TANC2: variants seen among roughly 807,000 people sequenced by gnomAD.
TANC2 encodes tetratricopeptide repeat, ankyrin repeat and coiled-coil containing 2, also known as protein TANC2.
TANC2 carries 26 observed loss-of-function variants against 210.5 expected under a neutral mutation model. The observed-to-expected ratio is 0.12, with a 90% CI of 0.09 to 0.17. The LOEUF (loss-of-function observed/expected upper bound fraction) is 0.17, where lower values mean the gene tolerates loss of function less well. Ranked by LOEUF, TANC2 falls within the 10% of genes least tolerant of loss-of-function variation. The pLI is 1.00. For synonymous variants in TANC2, 931 were observed against 967.1 expected (o/e 0.96, Z 0.69); for missense variants, 2,129 against 2,608.9 (o/e 0.82, Z 4.01).
intron 13 of TANC2, 143 bp from the exon 14 acceptor site, chr17:63,354,640 C>T: frequency 9.5e-7 from 1 of 1,050,772 alleles, no homozygotes. Context: ...ATTTGTTTTA[C>T]TTTTTGGATA....
chr17:63,294,877 C>T (rs2044488084), intron 9 of TANC2, among the ~76,000 whole-genome samples: 1 of 152,106 alleles, frequency 6.6e-6, no homozygotes, highest in Admixed American at 6.5e-5. Context: ...TGGATTAGTT[C>T]ATCTTTTTTC....
chr17:63,147,767 G>A (rs760864799), intron 4 of TANC2, among the ~76,000 whole-genome samples: 9 of 152,044 alleles, frequency 5.9e-5, no homozygotes, highest in Non-Finnish European at 1.3e-4. Flanking sequence ...TTTTGATTTG[G>A]ATACTCTACT....
intron 17 of TANC2, among the ~76,000 whole-genome samples, chr17:63,394,689 T>C (rs555257695): frequency 6.6e-6 from 1 of 152,374 alleles, no homozygotes. Flanking sequence ...CCAGTCAAGA[T>C]AGACCTTTCT....
intron 8 of TANC2, among the ~76,000 whole-genome samples, chr17:63,241,724 A>G (rs552669046): frequency 1.3e-5 from 2 of 152,312 alleles, no homozygotes; most frequent in African/African-American, 2.4e-5. Flanking sequence ...GGTCATATAC[A>G]GTGTTAGCTG....
chr17:63,049,569 A>G (rs2035503227), intron 2 of TANC2, among the ~76,000 whole-genome samples: 1 of 152,202 alleles, frequency 6.6e-6, no homozygotes, highest in African/African-American at 2.4e-5. Flanking sequence ...CAGAAAAGTC[A>G]GAGAGCAAGA....
intron 4 of TANC2, among the ~76,000 whole-genome samples, chr17:63,143,539 A>G (rs183963671): frequency 2.0e-3 from 302 of 152,320 alleles, no homozygotes; most frequent in Non-Finnish European, 3.4e-3. Context: ...TTTAGCTCTG[A>G]TATCACAACC....
At chr17:63,413,061 A>C (rs896485058) in intron 24 of TANC2, 1 of 268,424 alleles carries the variant, frequency 3.7e-6, no homozygotes, top group Non-Finnish European at 6.9e-6. Flanking sequence ...CCTAGTTGGT[A>C]CTTATCATTT....
intron 17 of TANC2, 128 bp downstream of exon 17, chr17:63,389,672 A>G: frequency 1.1e-6 from 1 of 922,994 alleles, no homozygotes; most frequent in Admixed American, 2.1e-5. Flanking sequence ...AGAGGAGATC[A>G]GAGAGAGTGC....
intron 2 of TANC2, among the ~76,000 whole-genome samples, chr17:63,048,305 G>A (rs970116682): frequency 6.6e-6 from 1 of 152,218 alleles, no homozygotes; most frequent in Middle Eastern, 3.4e-3. Flanking sequence ...AATTATTGCA[G>A]AACTCCAGTT....
At chr17:63,113,346 C>G (rs1473471471) in intron 4 of TANC2, among the ~76,000 whole-genome samples, 1 of 152,144 alleles carries the variant, frequency 6.6e-6, no homozygotes, top group Non-Finnish European at 1.5e-5. Context: ...GTAACTCCCT[C>G]TCTTAGAGGA....
intron 7 of TANC2, among the ~76,000 whole-genome samples, chr17:63,233,630 G>A (rs1377137518): frequency 6.6e-6 from 1 of 152,208 alleles, no homozygotes; most frequent in Non-Finnish European, 1.5e-5. Flanking sequence ...ATTCTTCTGT[G>A]TGAGAGCCTC....
At chr17:63,122,977 A>G (rs2038544120) in intron 4 of TANC2, among the ~76,000 whole-genome samples, 2 of 152,192 alleles carry the variant, frequency 1.3e-5, no homozygotes, top group African/African-American at 4.8e-5. Flanking sequence ...AGGTTTCATG[A>G]AGGATGCTCT....
At chr17:63,325,398 T>C (rs568703565) in intron 11 of TANC2, among the ~76,000 whole-genome samples, 1 of 152,360 alleles carries the variant, frequency 6.6e-6, no homozygotes, top group African/African-American at 2.4e-5. Context: ...TACCACACCT[T>C]GGTTCACCCC....
At chr17:63,144,616 A>G (rs866093131) in intron 4 of TANC2, among the ~76,000 whole-genome samples, 1 of 152,204 alleles carries the variant, frequency 6.6e-6, no homozygotes, top group South Asian at 2.1e-4. Context: ...GTAGGGAACT[A>G]AAAGGCATAA....
chr17:63,198,395 A>G (rs2041416366), intron 6 of TANC2, among the ~76,000 whole-genome samples: 1 of 152,138 alleles, frequency 6.6e-6, no homozygotes, highest in South Asian at 2.1e-4. Flanking sequence ...GCATTTTGCC[A>G]TGTTGGCCAG....
rs114049857 is a variant in TANC2, at chr17:63,209,722, T to C, written c.769+8765T>C. On this transcript the variant is annotated intron_variant, in intron 7 of 27. Transcript: ENST00000689528. ...TGCTGGGATTACAGGCGTGAGCCAC[T>C]GCTCTCGGGCTAAAGGAATGCTTTC... Among the ~76,000 whole-genome samples, 1,295 of 152,292 alleles carry C rather than the reference T, an allele frequency of 8.5e-3. 16 individuals carry two copies. Among genetic ancestry groups the C allele is most frequent in the African/African-American group, 0.029 (1,186 of 41,570 alleles).
intron 7 of TANC2, among the ~76,000 whole-genome samples, chr17:63,220,459 TG>T (rs1408832690): frequency 1.3e-5 from 2 of 151,522 alleles, no homozygotes; most frequent in Non-Finnish European, 2.9e-5. Flanking sequence ...CTCAGCACTT[TG>T]GGAGGCTGAG....
intron 5 of TANC2, among the ~76,000 whole-genome samples, chr17:63,189,567 G>C (rs1175810586): frequency 1.3e-5 from 2 of 152,130 alleles, no homozygotes; most frequent in African/African-American, 4.8e-5. Context: ...TTGGTGAAAT[G>C]TCTATTCCAG....
intron 14 of TANC2, among the ~76,000 whole-genome samples, chr17:63,357,480 G>A (rs1186973088): frequency 1.3e-5 from 2 of 152,192 alleles, no homozygotes; most frequent in East Asian, 1.9e-4. Flanking sequence ...TGTATAATCC[G>A]TTCCCTGATG....
Sources: gnomAD v4.1 joint callset for allele counts (sites outside exome capture counted in the v4.1 genomes callset) on GRCh38, gnomAD v4.1.1 for gene constraint, MANE v1.5 for transcripts, NCBI Gene and HGNC (gene_info 2026-07-23, HGNC 2026-07-21) for gene names.